The following RAB14 variants were observed in gnomAD, a reference collection of about 807,000 sequenced individuals.
The protein encoded by RAB14 is ras-related protein Rab-14.
A neutral mutation model predicts 31.1 loss-of-function variants in RAB14; 3 were observed. That is an observed-to-expected ratio of 0.10 (90% CI 0.04 to 0.25). The LOEUF is 0.25. Ranked by LOEUF, RAB14 falls within the 10% of genes least tolerant of loss-of-function variation. The pLI, the probability that RAB14 is intolerant of heterozygous loss-of-function variation, is 1.00. For synonymous variants in RAB14, 85 were observed against 84.9 expected (o/e 1.00, Z 0.00); for missense variants, 111 against 260.1 (o/e 0.43, Z 3.94).
In RAB14 at chr9:121,201,822, T is replaced by G. The variant is rs888394229; in HGVS notation, c.-191A>C. ...GTAGCGGCAGTAGCAGTGGCAGCGG[T>G]GACTGCTCCTGTGCTCCCTCAGTAT... On this transcript the variant is annotated 5_prime_UTR_variant, in exon 1 of 8. Transcript: ENST00000373840. 2.6e-5 allele frequency: 4 copies of G among 152,326 alleles called. No individual in the cohort carries two copies. The highest frequency in any genetic ancestry group is 9.7e-5 in the African/African-American group (4 of 41,432). 9.4% of individuals were successfully genotyped at this position (152,326 alleles called of 1,614,324 possible). A position where few individuals can be genotyped will look rare whatever the true frequency, so the allele number is the denominator to read the frequency against.
chr9:121,189,441 A>G (rs2053675184), intron 4 of RAB14, among the ~76,000 whole-genome samples: 1 of 152,106 alleles, frequency 6.6e-6, no homozygotes, highest in Non-Finnish European at 1.5e-5. Flanking sequence ...GTCTTCCCAT[A>G]ATACTCTTGA....
chr9:121,178,255 G>A lies in RAB14; in HGVS notation c.*3141C>T, dbSNP rs779474159. The A allele has an allele frequency of 6.6e-6, 1 of 150,852 alleles. No individual in the cohort carries two copies. Among genetic ancestry groups the A allele is most frequent in the Non-Finnish European group, 1.5e-5 (1 of 67,986 alleles). The allele number at this position is 150,852 out of a possible 1,614,324, so 9.3% of individuals were successfully genotyped here. A position where few individuals can be genotyped will look rare whatever the true frequency, so the allele number is the denominator to read the frequency against. On this transcript the variant is annotated 3_prime_UTR_variant, in exon 8 of 8. Coordinates refer to ENST00000373840, the MANE Select transcript of RAB14 (RefSeq NM_016322.4). ...GTGACAATTTATTAATACACAGTAAGTTCTAGAAGGCATCTTTCAAAACAA... is the reference window on the plus strand; with the variant it reads ...GTGACAATTTATTAATACACAGTAAATTCTAGAAGGCATCTTTCAAAACAA...
At chr9:121,189,293 T>C (rs2053674355) in intron 4 of RAB14, among the ~76,000 whole-genome samples, 2 of 152,164 alleles carry the variant, frequency 1.3e-5, no homozygotes, top group South Asian at 4.1e-4. Flanking sequence ...TTAAAAGATA[T>C]GCTTAAAAGC....
At chr9:121,188,153 C>A (rs559161304) in intron 4 of RAB14, among the ~76,000 whole-genome samples, 3 of 151,940 alleles carry the variant, frequency 2.0e-5, no homozygotes, top group Non-Finnish European at 4.4e-5. Flanking sequence ...CAAAATAGCC[C>A]CTTTCCCCCC....
intron 5 of RAB14, among the ~76,000 whole-genome samples, chr9:121,185,435 G>A (rs1206286854): frequency 6.6e-6 from 1 of 152,036 alleles, no homozygotes; most frequent in Non-Finnish European, 1.5e-5. Flanking sequence ...GTTCGTGCAT[G>A]GGTGGTTCTA....
chr9:121,186,784 A>C (rs1420310259), intron 5 of RAB14, among the ~76,000 whole-genome samples, 169 bp downstream of exon 5: 1 of 152,178 alleles, frequency 6.6e-6, no homozygotes, highest in African/African-American at 2.4e-5. Context: ...ACCTGGTTTA[A>C]TAAGAACTGA....
At chr9:121,181,817 A>G (rs2053635133) in intron 7 of RAB14, among the ~76,000 whole-genome samples, 1 of 133,700 alleles carries the variant, frequency 7.5e-6, no homozygotes, top group South Asian at 2.4e-4. Flanking sequence ...GCCCGATCTC[A>G]GCTCACTGCA....
rs1014071788 is a variant in RAB14, at chr9:121,180,309, T to C, written c.*1087A>G. ...AGGTATAAAAGCTTAAAATGTGCAA[T>C]AGTAAACCCAGCCTTTTTTCTTTTT... On this transcript the variant is annotated 3_prime_UTR_variant, in exon 8 of 8. Coordinates refer to ENST00000373840, the MANE Select transcript of RAB14 (RefSeq NM_016322.4). 5.2e-5 allele frequency: 8 copies of C among 152,676 alleles called. No individual in the cohort carries two copies. Among genetic ancestry groups the C allele is most frequent in the African/African-American group, 1.9e-4 (8 of 41,458 alleles). 9.5% of individuals were successfully genotyped at this position (152,676 alleles called of 1,614,324 possible).
intron 4 of RAB14, among the ~76,000 whole-genome samples, chr9:121,187,245 G>T (rs1328693593): frequency 6.6e-6 from 1 of 151,928 alleles, no homozygotes; most frequent in Non-Finnish European, 1.5e-5. Context: ...ATAATTACAG[G>T]TCAGGAGTAA....
intron 5 of RAB14, among the ~76,000 whole-genome samples, chr9:121,185,758 T>C (rs567658054): frequency 6.6e-6 from 1 of 152,170 alleles, no homozygotes; most frequent in Non-Finnish European, 1.5e-5. Flanking sequence ...TACGGCTTAG[T>C]AGTACTCCAC....
chr9:121,186,740 A>G (rs543014750), intron 5 of RAB14, among the ~76,000 whole-genome samples: 1 of 152,296 alleles, frequency 6.6e-6, no homozygotes, highest in East Asian at 1.9e-4. Context: ...AATGACAAAC[A>G]TGAACAAAAA....
chr9:121,191,655 T>G (rs932997348), intron 3 of RAB14, among the ~76,000 whole-genome samples: 1 of 152,168 alleles, frequency 6.6e-6, no homozygotes, highest in East Asian at 1.9e-4. Flanking sequence ...CTTCATAAAA[T>G]GTTACATCAA....
intron 5 of RAB14, 106 bp from the exon 6 acceptor site, chr9:121,183,504 T>A: frequency 1.2e-6 from 1 of 853,478 alleles, no homozygotes; most frequent in Admixed American, 2.3e-5. Flanking sequence ...TGACTGGGCC[T>A]AAAAAGAAAA....
chr9:121,195,895 T>G (rs974970994), intron 1 of RAB14, among the ~76,000 whole-genome samples: 1 of 152,166 alleles, frequency 6.6e-6, no homozygotes, highest in Non-Finnish European at 1.5e-5. Context: ...TATTAATACA[T>G]TTCAGTCAAA....
intron 4 of RAB14, 134 bp downstream of exon 4, chr9:121,190,420 A>G: frequency 1.1e-6 from 1 of 870,686 alleles, no homozygotes; most frequent in Non-Finnish European, 1.6e-6. Context: ...TGGCAACTTA[A>G]GAAACCATAA....
chr9:121,185,569 C>A (rs1387085708), intron 5 of RAB14, among the ~76,000 whole-genome samples: 1 of 152,112 alleles, frequency 6.6e-6, no homozygotes, highest in Non-Finnish European at 1.5e-5. Flanking sequence ...CCCTCCACCC[C>A]CTTTGCTAAT....
chr9:121,190,498 A>T (rs2053680828), intron 4 of RAB14, 56 bp downstream of exon 4: 8 of 1,435,658 alleles, frequency 5.6e-6, no homozygotes, highest in Middle Eastern at 3.7e-4. Context: ...ATTTTTTTTT[A>T]AATGCCCAAA....
intron 1 of RAB14, among the ~76,000 whole-genome samples, chr9:121,196,030 T>C (rs1297373635): frequency 6.6e-6 from 1 of 152,094 alleles, no homozygotes; most frequent in Non-Finnish European, 1.5e-5. Flanking sequence ...TATTTTTACC[T>C]AACTTTGGAA....
At chr9:121,184,432 G>A (rs1218225736) in intron 5 of RAB14, among the ~76,000 whole-genome samples, 2 of 152,168 alleles carry the variant, frequency 1.3e-5, no homozygotes, top group African/African-American at 4.8e-5. Flanking sequence ...CTGGGGTGGG[G>A]AGGGGGGTTA....
Sources: gnomAD v4.1 joint callset for allele counts (sites outside exome capture counted in the v4.1 genomes callset) on GRCh38, gnomAD v4.1.1 for gene constraint, MANE v1.5 for transcripts, NCBI Gene and HGNC (gene_info 2026-07-23, HGNC 2026-07-21) for gene names.